Variants in ADAMTSL3 observed in about 807,000 individuals in gnomAD.
ADAMTSL3 encodes the protein ADAMTS-like protein 3.
ADAMTSL3 carries 128 observed loss-of-function variants against 201.7 expected under a neutral mutation model. The ratio of observed to expected loss-of-function variants is 0.63; its 90% CI spans 0.55 to 0.73. The LOEUF is 0.73. ADAMTSL3 is among the 30% of genes least tolerant of loss of function. ADAMTSL3 has a pLI of 0.00. For synonymous variants in ADAMTSL3, 738 were observed against 748.4 expected (o/e 0.99, Z 0.23); for missense variants, 1,990 against 2,119.6 (o/e 0.94, Z 1.20).
chr15:83,815,604 G>GTGTCTTAA (rs1420774792), intron 5 of ADAMTSL3, among the ~76,000 whole-genome samples: 6 of 152,216 alleles, frequency 3.9e-5, no homozygotes, highest in Non-Finnish European at 5.9e-5. Flanking sequence ...AGCTTGTCTT[G>GTGTCTTAA]AGCTGGGACA....
intron 17 of ADAMTSL3, among the ~76,000 whole-genome samples, chr15:83,930,050 A>G (rs890739076): frequency 1.3e-5 from 2 of 152,210 alleles, no homozygotes; most frequent in African/African-American, 4.8e-5. Flanking sequence ...GATAGCAAGG[A>G]ACTCTCAAAA....
At chr15:83,686,980 G>A (rs1214680356) in intron 2 of ADAMTSL3, among the ~76,000 whole-genome samples, 2 of 152,056 alleles carry the variant, frequency 1.3e-5, no homozygotes, top group Non-Finnish European at 2.9e-5. Context: ...TACTTGAGTT[G>A]AGGAGTTCGA....
chr15:83,892,035 C>T (rs113603482), intron 12 of ADAMTSL3, among the ~76,000 whole-genome samples: 4,364 of 148,330 alleles, frequency 0.029, 193 homozygotes, highest in African/African-American at 0.1. Context: ...GCCAACATGG[C>T]GAAACCCCAT....
chr15:83,947,374 C>T (rs2066673246), intron 19 of ADAMTSL3, among the ~76,000 whole-genome samples: 1 of 152,248 alleles, frequency 6.6e-6, no homozygotes, highest in South Asian at 2.1e-4. Context: ...TATGTTTAAG[C>T]TCTGTCCATT....
intron 4 of ADAMTSL3, among the ~76,000 whole-genome samples, chr15:83,785,249 C>T (rs1257256445): frequency 6.6e-6 from 1 of 152,180 alleles, no homozygotes; most frequent in Admixed American, 6.5e-5. Context: ...CCATGGACCA[C>T]ACTTCAAGCA....
At chr15:83,807,469 C>A (rs1006487308) in intron 5 of ADAMTSL3, among the ~76,000 whole-genome samples, 1 of 151,920 alleles carries the variant, frequency 6.6e-6, no homozygotes, top group Non-Finnish European at 1.5e-5. Context: ...ATAAATAAAT[C>A]AAAACAGTAA....
rs959764432 is a variant in ADAMTSL3 at position 83,858,893 on chromosome 15, C to CA, written c.802+61dup. The CA allele has an allele frequency of 3.4e-4, 486 of 1,410,356 alleles. 1 individual carries two copies. The highest frequency in any genetic ancestry group is 7.4e-4 in the East Asian group (31 of 41,870). 87.4% of individuals were successfully genotyped at this position (1,410,356 alleles called of 1,614,324 possible). A position where few individuals can be genotyped will look rare whatever the true frequency, so the allele number is the denominator to read the frequency against. Reference sequence around the variant, plus strand: ...TTAATATCCTGAAAGTTTAGTTAGCCAAAAAAAACAAAAAACAAAAAACCC... The same window carrying CA: ...TTAATATCCTGAAAGTTTAGTTAGCCAAAAAAAAACAAAAAACAAAAAACCC... On this transcript the variant is annotated intron_variant, in intron 8 of 29. Coordinates refer to ENST00000286744, the MANE Select transcript of ADAMTSL3 (RefSeq NM_207517.3).
chr15:83,856,033 C>G (rs1195023954), intron 7 of ADAMTSL3, among the ~76,000 whole-genome samples: 1 of 151,828 alleles, frequency 6.6e-6, no homozygotes, highest in Non-Finnish European at 1.5e-5. Flanking sequence ...CAAAACAAAA[C>G]AAAAGAAAAA....
intron 2 of ADAMTSL3, among the ~76,000 whole-genome samples, chr15:83,663,225 G>A (rs2061200134): frequency 6.6e-6 from 1 of 152,148 alleles, no homozygotes; most frequent in South Asian, 2.1e-4. Flanking sequence ...TAGATCCAGG[G>A]AGAGATCAGC....
At chr15:83,819,223 C>A (rs565816760) in intron 5 of ADAMTSL3, among the ~76,000 whole-genome samples, 7 of 149,878 alleles carry the variant, frequency 4.7e-5, no homozygotes, top group Admixed American at 1.3e-4. Context: ...GTGAGCCGAG[C>A]CACTGCACTC....
At chr15:83,696,262 T>G (rs1035454878) in intron 2 of ADAMTSL3, among the ~76,000 whole-genome samples, 4 of 152,172 alleles carry the variant, frequency 2.6e-5, no homozygotes, top group Admixed American at 6.5e-5. Flanking sequence ...CAGGCTGGAG[T>G]GTGGTGACAT....
At chr15:83,794,739 A>G (rs1407717250) in intron 4 of ADAMTSL3, among the ~76,000 whole-genome samples, 1 of 152,158 alleles carries the variant, frequency 6.6e-6, no homozygotes, top group African/African-American at 2.4e-5. Flanking sequence ...CATTACCTGT[A>G]TTAATATCAG....
At chr15:83,704,658 T>C in intron 3 of ADAMTSL3, 150 bp downstream of exon 3, 1 of 1,051,988 alleles carries the variant, frequency 9.5e-7, no homozygotes, top group South Asian at 1.8e-5. Context: ...TCCCAGAATA[T>C]GTGGATTGCC....
chr15:83,735,997 G>GA (rs1006459006), intron 3 of ADAMTSL3, among the ~76,000 whole-genome samples: 1 of 150,318 alleles, frequency 6.7e-6, no homozygotes, highest in Non-Finnish European at 1.5e-5. Flanking sequence ...AAGGACAGGA[G>GA]AAAAAAAAAG....
chr15:83,808,532 A>T (rs533765482), intron 5 of ADAMTSL3, among the ~76,000 whole-genome samples: 1 of 152,360 alleles, frequency 6.6e-6, no homozygotes, highest in South Asian at 2.1e-4. Flanking sequence ...ATTAGTGGGA[A>T]TGTAAATTAG....
intron 3 of ADAMTSL3, among the ~76,000 whole-genome samples, chr15:83,766,380 A>G (rs2062891559): frequency 6.6e-6 from 1 of 152,280 alleles, no homozygotes; most frequent in Non-Finnish European, 1.5e-5. Flanking sequence ...ATGTGAGTTC[A>G]TGAACATCAG....
intron 2 of ADAMTSL3, among the ~76,000 whole-genome samples, chr15:83,678,543 T>A (rs1203830940): frequency 6.6e-6 from 1 of 151,754 alleles, no homozygotes; most frequent in African/African-American, 2.4e-5. Context: ...ATTGTTTCTC[T>A]CTAGCTGATT....
intron 4 of ADAMTSL3, among the ~76,000 whole-genome samples, chr15:83,785,368 G>A (rs1567143369): frequency 6.6e-6 from 1 of 152,158 alleles, no homozygotes; most frequent in Non-Finnish European, 1.5e-5. Flanking sequence ...CATAAACAGT[G>A]AATGGCTTAT....
intron 2 of ADAMTSL3, among the ~76,000 whole-genome samples, chr15:83,688,819 A>AT (rs2061574123): frequency 6.6e-6 from 1 of 150,590 alleles, no homozygotes; most frequent in Non-Finnish European, 1.5e-5. Flanking sequence ...AACAAAATTA[A>AT]TTTTTTTTGA....
Sources: gnomAD v4.1 joint callset for allele counts (sites outside exome capture counted in the v4.1 genomes callset) on GRCh38, gnomAD v4.1.1 for gene constraint, MANE v1.5 for transcripts, NCBI Gene and HGNC (gene_info 2026-07-23, HGNC 2026-07-21) for gene names.